Variants in COMMD10 observed in about 807,000 individuals in gnomAD.
COMMD10 encodes COMM domain-containing protein 10.
A neutral mutation model predicts 28.9 loss-of-function variants in COMMD10; 33 were observed. The observed-to-expected ratio is 1.14, with a 90% CI of 0.87 to 1.53. COMMD10 has a LOEUF of 1.53. Ranked by LOEUF, COMMD10 falls within the 40% of genes most tolerant of loss-of-function variation. COMMD10 has a pLI of 0.00. For synonymous variants in COMMD10, 110 were observed against 81.7 expected, an observed-to-expected ratio of 1.35 and a Z score of -1.87; for missense variants, 310 against 233.4, an observed-to-expected ratio of 1.33 and a Z score of -2.14.
At chr5:116,183,636 A>G (rs1748047033) in intron 5 of COMMD10, among the ~76,000 whole-genome samples, 3 of 152,096 alleles carry the variant, frequency 2.0e-5, no homozygotes, top group African/African-American at 4.8e-5. Context: ...GAAATAGACC[A>G]TTTCTGTTTT....
intron 5 of COMMD10, among the ~76,000 whole-genome samples, chr5:116,178,434 T>C (rs1313593245): frequency 6.6e-6 from 1 of 152,136 alleles, no homozygotes; most frequent in Admixed American, 6.6e-5. Context: ...TATTTGGAGT[T>C]ATTATAAAGT....
chr5:116,157,687 T>C (rs1752762813), intron 5 of COMMD10, among the ~76,000 whole-genome samples: 1 of 152,196 alleles, frequency 6.6e-6, no homozygotes, highest in Non-Finnish European at 1.5e-5. Flanking sequence ...AAAGTCACAC[T>C]TCAAAGGTTA....
At chr5:116,138,580 A>T (rs1311948007) in intron 5 of COMMD10, among the ~76,000 whole-genome samples, 1 of 151,670 alleles carries the variant, frequency 6.6e-6, no homozygotes, top group South Asian at 2.1e-4. Context: ...AGGGATTCCA[A>T]ATTTTATTTG....
At chr5:116,240,495 C>G (rs1561387293) in intron 5 of COMMD10, among the ~76,000 whole-genome samples, 1 of 152,142 alleles carries the variant, frequency 6.6e-6, no homozygotes, top group Non-Finnish European at 1.5e-5. Context: ...AAAATGCTTT[C>G]TAGTCAAATA....
chr5:116,213,492 C>G (rs1217032307), intron 5 of COMMD10, among the ~76,000 whole-genome samples: 1 of 152,100 alleles, frequency 6.6e-6, no homozygotes, highest in African/African-American at 2.4e-5. Flanking sequence ...TTCAGAAGAT[C>G]TGTGAAACTC....
chr5:116,150,867 T>A (rs1752500864), intron 5 of COMMD10, among the ~76,000 whole-genome samples: 2 of 148,846 alleles, frequency 1.3e-5, no homozygotes, highest in African/African-American at 5.0e-5. Context: ...CCTGCCTAAT[T>A]GCCCTGGCCA....
chr5:116,130,988 A>G lies in COMMD10; in HGVS notation c.400-3080A>G, dbSNP rs1402271844. On this transcript the variant is annotated intron_variant, in intron 4 of 6. Transcript: ENST00000274458. The stretch of plus-strand genomic sequence containing the variant: ...GTAGTATTTTCCAAAGACAATTTAT[A>G]ATATCAACAAAGAAGGCTAACTCAT... Among the ~76,000 whole-genome samples, 3 of 152,142 alleles carry G rather than the reference A, an allele frequency of 2.0e-5. No homozygotes were observed. In the East Asian group the frequency reaches 5.8e-4, roughly 29 times the overall value.
At chr5:116,291,086 C>T (rs1019158191) in intron 5 of COMMD10, among the ~76,000 whole-genome samples, 2 of 152,102 alleles carry the variant, frequency 1.3e-5, no homozygotes, top group African/African-American at 4.8e-5. Context: ...TGCTTGGAGG[C>T]AGTAGCTGTG....
intron 4 of COMMD10, among the ~76,000 whole-genome samples, chr5:116,122,325 T>A (rs1720629415): frequency 6.6e-6 from 1 of 152,206 alleles, no homozygotes; most frequent in South Asian, 2.1e-4. Context: ...GCCTCTGTTC[T>A]GTTCCATTGG....
At chr5:116,246,158 G>A (rs1432153689) in intron 5 of COMMD10, among the ~76,000 whole-genome samples, 4 of 152,118 alleles carry the variant, frequency 2.6e-5, no homozygotes, top group Non-Finnish European at 5.9e-5. Flanking sequence ...ACATGAGTGT[G>A]CAAAAATCGC....
At chr5:116,282,673 C>T (rs1014912837) in intron 5 of COMMD10, among the ~76,000 whole-genome samples, 2 of 151,916 alleles carry the variant, frequency 1.3e-5, no homozygotes, top group Admixed American at 6.6e-5. Context: ...TAAAGCATCT[C>T]TCCTTGGCTT....
intron 4 of COMMD10, among the ~76,000 whole-genome samples, chr5:116,111,395 C>T (rs993705850): frequency 1.2e-4 from 14 of 112,638 alleles, no homozygotes; most frequent in Non-Finnish European, 8.9e-5. Context: ...TTTTTTGATG[C>T]AGGTATTTAT....
intron 5 of COMMD10, among the ~76,000 whole-genome samples, chr5:116,140,301 A>C (rs1174084395): frequency 6.6e-6 from 1 of 151,374 alleles, no homozygotes; most frequent in African/African-American, 2.4e-5. Context: ...ATATGTACAC[A>C]TATGGACACA....
At chr5:116,228,247 T>C (rs1749444833) in intron 5 of COMMD10, among the ~76,000 whole-genome samples, 1 of 151,912 alleles carries the variant, frequency 6.6e-6, no homozygotes, top group East Asian at 1.9e-4. Flanking sequence ...AATTCCCCTT[T>C]AAAAACTGAG....
intron 5 of COMMD10, among the ~76,000 whole-genome samples, chr5:116,195,480 G>A (rs1748489231): frequency 6.6e-6 from 1 of 152,090 alleles, no homozygotes; most frequent in African/African-American, 2.4e-5. Flanking sequence ...CAAGATTAAT[G>A]TACACAAATC....
At chr5:116,098,766 A>G (rs1750550073) in intron 4 of COMMD10, among the ~76,000 whole-genome samples, 1 of 152,176 alleles carries the variant, frequency 6.6e-6, no homozygotes, top group African/African-American at 2.4e-5. Context: ...ATAATGTTAA[A>G]AAATCAAAAG....
intron 4 of COMMD10, among the ~76,000 whole-genome samples, chr5:116,118,672 T>C (rs1751323248): frequency 3.3e-5 from 5 of 152,146 alleles, no homozygotes; most frequent in African/African-American, 1.2e-4. Flanking sequence ...TACTAGATTC[T>C]AGTCATTTAA....
At chr5:116,281,467 C>A (rs529191760) in intron 5 of COMMD10, among the ~76,000 whole-genome samples, 1 of 151,680 alleles carries the variant, frequency 6.6e-6, no homozygotes, top group Admixed American at 6.6e-5. Flanking sequence ...TTTGCACTTT[C>A]ATTTTCACTT....
chr5:116,268,842 C>T (rs980089721), intron 5 of COMMD10, among the ~76,000 whole-genome samples: 6 of 151,124 alleles, frequency 4.0e-5, no homozygotes, highest in Non-Finnish European at 8.8e-5. Flanking sequence ...GAAACTATTG[C>T]AAGGACAGAA....
Sources: allele counts gnomAD v4.1 joint callset (sites outside exome capture counted in the v4.1 genomes callset), GRCh38; gene constraint gnomAD v4.1.1; transcripts MANE v1.5; gene names NCBI Gene and HGNC (gene_info 2026-07-23, HGNC 2026-07-21).